PLEKHA5: variants seen among roughly 807,000 people sequenced by gnomAD.
The protein encoded by PLEKHA5 is pleckstrin homology domain containing A5.
A neutral mutation model predicts 181.9 loss-of-function variants in PLEKHA5; 55 were observed. The ratio of observed to expected loss-of-function variants is 0.30; its 90% CI spans 0.24 to 0.38. The LOEUF (loss-of-function observed/expected upper bound fraction) is 0.38. Ranked by LOEUF, PLEKHA5 falls within the 10% of genes least tolerant of loss-of-function variation. The pLI, the probability that PLEKHA5 is intolerant of heterozygous loss-of-function variation, is 1.00. For synonymous variants in PLEKHA5, 535 were observed against 529.4 expected (o/e 1.01, Z -0.15); for missense variants, 1,432 against 1,549.5 (o/e 0.92, Z 1.27).
At chr12:19,179,059 T>C (rs192642241) in intron 3 of PLEKHA5, among the ~76,000 whole-genome samples, 9 of 152,354 alleles carry the variant, frequency 5.9e-5, no homozygotes, top group Admixed American at 5.9e-4. Context: ...CAGAAATTCC[T>C]GAGTCATACA....
At chr12:19,270,313 A>C in intron 10 of PLEKHA5, 108 bp downstream of exon 10, 3 of 561,574 alleles carry the variant, frequency 5.3e-6, no homozygotes, top group Non-Finnish European at 8.6e-6. Context: ...TATGAAGTTA[A>C]TTTGTGTTTT....
At chr12:19,361,821 T>TATAGA in intron 29 of PLEKHA5, 115 bp downstream of exon 29, 1 of 864,766 alleles carries the variant, frequency 1.2e-6, no homozygotes, top group Non-Finnish European at 1.9e-6. Flanking sequence ...ACCTAGGAGC[T>TATAGA]ATAGAATCTT....
Position 19,283,635 on chromosome 12 carries a change from G to A in PLEKHA5, c.1669G>A (p.Ala557Thr), listed in dbSNP as rs1366577131. The stretch of plus-strand genomic sequence containing the variant: ...CACATCACCTTCCCACGGGTCAATA[G>A]CTGCTTATCAGGGATACTCCCCTCA... ...IPTSPSHGSI[A>T]AYQGYSPQRT... is the part of the protein sequence containing the mutation. Residue 557 changes from alanine (A) to threonine (T), a missense_variant, in exon 12 of 32, where the codon GCT becomes ACT. Ala to Thr is a moderately conservative substitution (Grantham distance 58, BLOSUM62 0). Coordinates refer to ENST00000429027, the MANE Select transcript of PLEKHA5 (RefSeq NM_001256470.2). The A allele has an allele frequency of 5.6e-6, 9 of 1,613,960 alleles. No homozygotes were observed. The highest frequency in any genetic ancestry group is 2.7e-5 in the African/African-American group (2 of 74,920).
rs2067175992 is a variant in PLEKHA5 at position 19,257,491 on chromosome 12, G to A, written c.491G>A (p.Arg164Lys). 6.2e-7 allele frequency: 1 copy of A among 1,608,800 alleles called. No individual in the cohort carries two copies. The highest frequency in any genetic ancestry group is 1.3e-5 in the African/African-American group (1 of 74,500). ...GGAAAGAGGTCAAATTCAATTAAAA[G>A]GAATCCTAATGCACCGGTTGTCAGA... is the stretch of plus-strand genomic sequence containing the variant. ...NFGKRSNSIK[R>K]NPNAPVVRRG... The change falls in exon 6 of 32, where the codon AGG becomes AAG. Residue 164 changes from arginine (R) to lysine (K), a missense_variant. Physicochemically the swap from Arg to Lys is conservative, Grantham distance 26. Coordinates refer to ENST00000429027, the MANE Select transcript of PLEKHA5 (RefSeq NM_001256470.2).
intron 3 of PLEKHA5, among the ~76,000 whole-genome samples, chr12:19,238,885 A>G (rs1476292089): frequency 6.6e-6 from 1 of 152,056 alleles, no homozygotes; most frequent in Non-Finnish European, 1.5e-5. Flanking sequence ...TTACTCAAGA[A>G]TAAAGCAGTA....
intron 3 of PLEKHA5, among the ~76,000 whole-genome samples, chr12:19,170,212 GTCT>G (rs369900135): frequency 4.6e-5 from 7 of 152,158 alleles, no homozygotes; most frequent in African/African-American, 1.2e-4. Flanking sequence ...AAATCAAAAT[GTCT>G]GGCCTTTGCT....
chr12:19,276,118 A>T (rs1478239019), intron 11 of PLEKHA5, among the ~76,000 whole-genome samples: 2 of 152,196 alleles, frequency 1.3e-5, no homozygotes, highest in African/African-American at 4.8e-5. Flanking sequence ...TGGCTTAGAT[A>T]TGCAAAGCGC....
rs368092668 is a variant in PLEKHA5, at chr12:19,133,055, T to C, written c.227+605T>C. The stretch of plus-strand genomic sequence containing the variant: ...GACGGTCAGGGAGTAAAAATAGAAA[T>C]AGTTACTGAATATTTCATGAGCATA... On this transcript the variant is annotated intron_variant, in intron 3 of 31. Transcript: ENST00000429027. 6.0e-5 allele frequency among the ~76,000 whole-genome samples: 9 copies of C among 150,956 alleles called. No individual in the cohort carries two copies. In the East Asian group the frequency reaches 1.2e-3, roughly 20 times the overall value.
At chr12:19,142,398 A>G (rs2037640100) in intron 3 of PLEKHA5, among the ~76,000 whole-genome samples, 1 of 152,164 alleles carries the variant, frequency 6.6e-6, no homozygotes, top group Non-Finnish European at 1.5e-5. Context: ...GCTATTCAAC[A>G]TAAAATATAA....
intron 3 of PLEKHA5, among the ~76,000 whole-genome samples, chr12:19,209,331 A>T (rs1239531093): frequency 6.6e-6 from 1 of 152,170 alleles, no homozygotes; most frequent in African/African-American, 2.4e-5. Flanking sequence ...GGACAAGACA[A>T]TGTTAGAGAT....
At chr12:19,265,495 A>G (rs1300500992) in intron 7 of PLEKHA5, among the ~76,000 whole-genome samples, 1 of 152,204 alleles carries the variant, frequency 6.6e-6, no homozygotes. Flanking sequence ...GGGTGGGTTA[A>G]TGCCATTACT....
intron 7 of PLEKHA5, among the ~76,000 whole-genome samples, chr12:19,264,709 T>C (rs1281859733): frequency 6.6e-6 from 1 of 152,214 alleles, no homozygotes; most frequent in East Asian, 1.9e-4. Context: ...TTTTCCCTTC[T>C]GGATGTTTCA....
At chr12:19,160,086 C>T (rs1009779690) in intron 3 of PLEKHA5, among the ~76,000 whole-genome samples, 3 of 152,056 alleles carry the variant, frequency 2.0e-5, no homozygotes, top group African/African-American at 7.2e-5. Flanking sequence ...TATCTGTCAT[C>T]CATGGACTTA....
chr12:19,274,760 G>T lies in PLEKHA5; in HGVS notation c.1090G>T (p.Ala364Ser). The T allele has an allele frequency of 6.2e-7, 1 of 1,614,174 alleles. No individual in the cohort carries two copies. Among genetic ancestry groups the T allele is most frequent in the South Asian group, 1.1e-5 (1 of 91,090 alleles). The change falls in exon 11 of 32, where the codon GCA becomes TCA. Residue 364 changes from alanine to serine, a missense_variant. By Grantham distance (99) the Ala-to-Ser change is moderately conservative. This residue lies in a region of PLEKHA5 where 1,143 missense variants were observed against 1,168.4 expected (regional missense o/e 0.98). Coordinates refer to ENST00000429027, the MANE Select transcript of PLEKHA5 (RefSeq NM_001256470.2). ...GCCATCTGAATATGAGAGTGGGTCA[G>T]CATGCCCTGCTCAGACTGTGCACTA... is the stretch of plus-strand genomic sequence containing the variant. Reference protein sequence around the residue: ...SLPSEYESGSACPAQTVHYRP... With the variant: ...SLPSEYESGSSCPAQTVHYRP...
At chr12:19,375,467 T>G (rs1041314802) in intron 31 of PLEKHA5, 64 bp from the exon 32 acceptor site, 4 of 152,408 alleles carry the variant, frequency 2.6e-5, no homozygotes, top group Non-Finnish European at 5.9e-5. Flanking sequence ...CTTAGTTACT[T>G]TGGGAAATGG....
chr12:19,164,635 A>T lies in PLEKHA5; in HGVS notation c.227+32185A>T, dbSNP rs7313344. On this transcript the variant is annotated intron_variant, in intron 3 of 31. Coordinates refer to ENST00000429027, the MANE Select transcript of PLEKHA5 (RefSeq NM_001256470.2). ...GGCTCAGCACTGCTCTCAGTGGAAC[A>T]TCTCTGTGCTTCTCTGAAGACAACT... Among the ~76,000 whole-genome samples the T allele has an allele frequency of 4.0e-3, 613 of 152,222 alleles. 5 individuals are homozygous for T. The highest frequency in any genetic ancestry group is 0.014 in the African/African-American group (575 of 41,536).
chr12:19,181,299 A>G (rs1217693028), intron 3 of PLEKHA5, among the ~76,000 whole-genome samples: 1 of 152,184 alleles, frequency 6.6e-6, no homozygotes, highest in Admixed American at 6.5e-5. Context: ...ATGAAGTAGA[A>G]CAACAGTACC....
chr12:19,160,402 A>G (rs2042705660), intron 3 of PLEKHA5, among the ~76,000 whole-genome samples: 1 of 152,094 alleles, frequency 6.6e-6, no homozygotes, highest in African/African-American at 2.4e-5. Context: ...ATTGCAACCA[A>G]ATGGGACATA....
At position 19,192,097 on chromosome 12, in the gene PLEKHA5, T is replaced by C. The variant is rs146955390; in HGVS notation, c.227+59647T>C. Among the ~76,000 whole-genome samples the C allele has an allele frequency of 2.3e-3, 355 of 152,284 alleles. 2 individuals are homozygous for C. The highest frequency in any genetic ancestry group is 4.0e-3 in the Non-Finnish European group (271 of 68,036). On this transcript the variant is annotated intron_variant, in intron 3 of 31. Coordinates refer to ENST00000429027, the MANE Select transcript of PLEKHA5 (RefSeq NM_001256470.2). Reference sequence around the variant, plus strand: ...ACCATACTTTAAAAGGATATCTTTATTAACAATTGACTTGAATTTAAAAAA... The same window carrying C: ...ACCATACTTTAAAAGGATATCTTTACTAACAATTGACTTGAATTTAAAAAA...
Sources: allele counts gnomAD v4.1 joint callset (sites outside exome capture counted in the v4.1 genomes callset), GRCh38; gene constraint gnomAD v4.1.1; regional missense constraint gnomAD v4.1.1; transcripts MANE v1.5; gene names NCBI Gene and HGNC (gene_info 2026-07-23, HGNC 2026-07-21).